Variants in TSPAN16 observed in about 807,000 individuals in gnomAD.
TSPAN16 encodes the protein tetraspanin 16.
TSPAN16 carries 23 observed loss-of-function variants against 25.2 expected under a neutral mutation model. The observed-to-expected ratio is 0.91, with a 90% CI of 0.66 to 1.29. The LOEUF (loss-of-function observed/expected upper bound fraction) is 1.29. Ranked by LOEUF, TSPAN16 falls within the 50% of genes most tolerant of loss-of-function variation. The probability of loss-of-function intolerance (pLI) is 0.00; values close to 1 mark genes in which losing one functional copy is unlikely to be tolerated. For synonymous variants in TSPAN16, 123 were observed against 124.4 expected, an observed-to-expected ratio of 0.99 and a Z score of 0.08; for missense variants, 272 against 299.9, an observed-to-expected ratio of 0.91 and a Z score of 0.69.
intron 6 of TSPAN16, among the ~76,000 whole-genome samples, chr19:11,312,499 T>C (rs1382533223): frequency 6.6e-6 from 1 of 152,134 alleles, no homozygotes; most frequent in African/African-American, 2.4e-5. Context: ...TGGCTCAGCC[T>C]GTAATTCTAG....
At chr19:11,313,827 T>C (rs2080718702) in intron 6 of TSPAN16, among the ~76,000 whole-genome samples, 1 of 152,200 alleles carries the variant, frequency 6.6e-6, no homozygotes, top group Non-Finnish European at 1.5e-5. Flanking sequence ...CACAGAATTA[T>C]TATTTGTCCC....
chr19:11,312,611 G>A (rs947503147), intron 6 of TSPAN16, among the ~76,000 whole-genome samples: 3 of 151,684 alleles, frequency 2.0e-5, no homozygotes, highest in Admixed American at 2.0e-4. Flanking sequence ...ACAAAAATAA[G>A]AAAATTATCC....
chr19:11,318,786 A>T (rs1319815789), downstream of TSPAN16, among the ~76,000 whole-genome samples: 1 of 151,938 alleles, frequency 6.6e-6, no homozygotes, highest in Non-Finnish European at 1.5e-5. Flanking sequence ...AGTTGGAGTT[A>T]CAGGTGCCCG....
rs141986289 is a variant in TSPAN16 at position 11,303,837 on chromosome 19, G to A, written c.450+2529G>A. Among the ~76,000 whole-genome samples the A allele has an allele frequency of 3.7e-3, 567 of 151,530 alleles. 3 individuals are homozygous for A. The highest frequency in any genetic ancestry group is 0.014 in the Middle Eastern group (4 of 294). On this transcript the variant is annotated intron_variant, in intron 4 of 6. Transcript: ENST00000590327. ...CTCACTCTGTCACCCAAGTTGGAGT[G>A]CAGTGGCGCAATCTTGGCCCACTGC...
chr19:11,315,934 G>C lies in TSPAN16; in HGVS notation c.*96G>C. ...CTCTGTGGCACTCACTGCTTCTGGAGGGGAGACTGTTAATAAAAGATTTGG... is the reference window on the plus strand; with the variant it reads ...CTCTGTGGCACTCACTGCTTCTGGACGGGAGACTGTTAATAAAAGATTTGG... On this transcript the variant is annotated 3_prime_UTR_variant, in exon 7 of 7. Coordinates refer to ENST00000590327, the MANE Select transcript of TSPAN16 (RefSeq NM_001282509.2). The C allele has an allele frequency of 8.1e-7, 1 of 1,230,416 alleles. No individual in the cohort carries two copies. The highest frequency in any genetic ancestry group is 1.6e-5 in the African/African-American group (1 of 64,404). 76.2% of individuals were successfully genotyped at this position (1,230,416 alleles called of 1,614,324 possible).
At chr19:11,307,636 C>T (rs1379953095) in intron 5 of TSPAN16, among the ~76,000 whole-genome samples, 1 of 151,774 alleles carries the variant, frequency 6.6e-6, no homozygotes, top group Non-Finnish European at 1.5e-5. Flanking sequence ...GTATGTTGCC[C>T]AGGCTGGTCT....
chr19:11,305,027 T>C lies in TSPAN16; in HGVS notation c.451-1577T>C, dbSNP rs371005435. ...TTGAACTCGTCGCCTGAAGTGATCT[T>C]CCTGAATTGGCTTCTCAAAGTGTTG... On this transcript the variant is annotated intron_variant, in intron 4 of 6. Transcript: ENST00000590327. 1.6e-4 allele frequency among the ~76,000 whole-genome samples: 25 copies of C among 152,256 alleles called. No homozygotes were observed. The East Asian group carries it at 2.7e-3, about 16-fold the overall frequency.
intron 4 of TSPAN16, among the ~76,000 whole-genome samples, chr19:11,302,676 T>TACAC (rs1398746421): frequency 1.4e-4 from 18 of 128,380 alleles, no homozygotes; most frequent in Admixed American, 4.6e-4. Context: ...TATATATATA[T>TACAC]ATACACACAC....
chr19:11,311,659 G>C (rs908550746), intron 5 of TSPAN16, among the ~76,000 whole-genome samples: 1 of 152,082 alleles, frequency 6.6e-6, no homozygotes, highest in Non-Finnish European at 1.5e-5. Context: ...CCGGGCTCAA[G>C]TGATCCTCCC....
chr19:11,306,158 C>G (rs13344646), intron 4 of TSPAN16, among the ~76,000 whole-genome samples: 58 of 152,258 alleles, frequency 3.8e-4, no homozygotes, highest in African/African-American at 1.4e-3. Context: ...ATCCCAGCTA[C>G]TCGGGAGACT....
Position 11,296,265 on chromosome 19 carries a change from CT to C in TSPAN16, c.-31del. 1 of 1,609,090 alleles carries C rather than the reference CT, an allele frequency of 6.2e-7. No individual in the cohort carries two copies. The highest frequency in any genetic ancestry group is 8.5e-7 in the Non-Finnish European group (1 of 1,176,054). On this transcript the variant is annotated 5_prime_UTR_variant, in exon 1 of 7. It removes the in-frame stop codon of an upstream open reading frame in the 5' UTR. Transcript: ENST00000590327. ...GCCCAGAGGTTCAGGAAGATGTTAA[CT>C]TAAATGTTCAGGGTGCCCCAGTCTG...
chr19:11,301,516 T>C (rs2080549156), intron 4 of TSPAN16, among the ~76,000 whole-genome samples: 2 of 151,778 alleles, frequency 1.3e-5, no homozygotes, highest in Admixed American at 1.3e-4. Flanking sequence ...GGCAGGCATC[T>C]GTAGTCTCAG....
intron 1 of TSPAN16, among the ~76,000 whole-genome samples, chr19:11,296,666 G>A (rs2080481586): frequency 6.6e-6 from 1 of 152,254 alleles, no homozygotes; most frequent in Non-Finnish European, 1.5e-5. Context: ...AAGGCCAGGA[G>A]AAAGGGTTAT....
chr19:11,297,987 G>T (rs936711234), intron 1 of TSPAN16, among the ~76,000 whole-genome samples, 155 bp from the exon 2 acceptor site: 1 of 151,728 alleles, frequency 6.6e-6, no homozygotes, highest in Non-Finnish European at 1.5e-5. Flanking sequence ...GTACAGATGA[G>T]GTCTTACCAA....
chr19:11,296,787 CCAA>C (rs1215784799), intron 1 of TSPAN16, among the ~76,000 whole-genome samples: 1 of 152,188 alleles, frequency 6.6e-6, no homozygotes, highest in African/African-American at 2.4e-5. Flanking sequence ...GCCTGTAATC[CCAA>C]CGCTTTGGGA....
chr19:11,319,082 G>A (rs1342672554), downstream of TSPAN16, among the ~76,000 whole-genome samples: 3 of 152,336 alleles, frequency 2.0e-5, no homozygotes, highest in East Asian at 5.8e-4. Flanking sequence ...CAGAGTTGGT[G>A]TGTGACCCCA....
rs755226414 is a variant in TSPAN16, at chr19:11,306,677, A to T, written c.524A>T (p.Tyr175Phe). 8.1e-6 allele frequency: 13 copies of T among 1,613,826 alleles called. 1 individual carries two copies. The highest frequency in any genetic ancestry group is 5.5e-5 in the South Asian group (5 of 91,062). ...SSFEMTTGHT[Y>F]PRSCCKSIGS... is the part of the protein sequence containing the mutation. Reference sequence around the variant, plus strand: ...TTCGAAATGACAACGGGCCACACCTACCCCAGGAGTTGCTGTAAATCCATC... The same window carrying T: ...TTCGAAATGACAACGGGCCACACCTTCCCCAGGAGTTGCTGTAAATCCATC... The change falls in exon 5 of 7, where the codon TAC becomes TTC. Residue 175 changes from tyrosine to phenylalanine, a missense_variant. Physicochemically the swap from Tyr to Phe is conservative, Grantham distance 22. Coordinates refer to ENST00000590327, the MANE Select transcript of TSPAN16 (RefSeq NM_001282509.2).
In TSPAN16 at chr19:11,306,584, A is replaced by T; in HGVS notation, c.451-20A>T. On this transcript the variant is annotated intron_variant, in intron 4 of 6. Coordinates refer to ENST00000590327, the MANE Select transcript of TSPAN16 (RefSeq NM_001282509.2). ...ATTATTTGAAAGGGACTCTCCAAGT[A>T]TTTCTTCTCCTCTCTATAGCTAAAG... The T allele has an allele frequency of 6.2e-7, 1 of 1,612,124 alleles. No individual in the cohort carries two copies. Among genetic ancestry groups the T allele is most frequent in the Non-Finnish European group, 8.5e-7 (1 of 1,179,636 alleles).
At chr19:11,313,068 C>G (rs1176691466) in intron 6 of TSPAN16, among the ~76,000 whole-genome samples, 1 of 152,092 alleles carries the variant, frequency 6.6e-6, no homozygotes, top group Non-Finnish European at 1.5e-5. Flanking sequence ...AAGAAAATAT[C>G]AGGCCCAGAT....
Sources: allele counts gnomAD v4.1 joint callset (sites outside exome capture counted in the v4.1 genomes callset), GRCh38; gene constraint gnomAD v4.1.1; transcripts MANE v1.5; gene names NCBI Gene and HGNC (gene_info 2026-07-23, HGNC 2026-07-21).